Variants in USP34 observed in about 807,000 individuals in gnomAD.
The protein encoded by USP34 is ubiquitin carboxyl-terminal hydrolase 34.
Under a neutral mutation model 460.3 loss-of-function variants are expected in USP34, and 70 were observed. The observed-to-expected ratio is 0.15, with a 90% CI of 0.13 to 0.19. The LOEUF (loss-of-function observed/expected upper bound fraction) is 0.19, where lower values mean the gene tolerates loss of function less well. Among genes scored for constraint, USP34 ranks in the 10% least tolerant of loss-of-function variants. The probability of loss-of-function intolerance (pLI) is 1.00; values close to 1 mark genes in which losing one functional copy is unlikely to be tolerated. For missense variants in USP34, 3,985 were observed against 4,236.2 expected (o/e 0.94, Z 1.65); for synonymous variants, 1,647 against 1,405.3 (o/e 1.17, Z -3.85).
In USP34 at chr2:61,347,173, A is replaced by G. The variant is rs184980400; in HGVS notation, c.2285+697T>C. Among the ~76,000 whole-genome samples the G allele has an allele frequency of 2.4e-3, 359 of 152,260 alleles. 1 individual carries two copies. Among genetic ancestry groups the G allele is most frequent in the African/African-American group, 8.1e-3 (335 of 41,552 alleles). ...AAAGAAGAAGAAAACAAATAAATCA[A>G]TAAATATTTTAAAGAATTAAAGGGT... is the stretch of plus-strand genomic sequence containing the variant. On this transcript the variant is annotated intron_variant, in intron 15 of 79. Transcript: ENST00000398571.
intron 1 of USP34, among the ~76,000 whole-genome samples, chr2:61,467,289 C>T (rs914450409): frequency 2.6e-5 from 4 of 151,760 alleles, no homozygotes; most frequent in African/African-American, 7.3e-5. Context: ...GGTGACACAG[C>T]GAGATTCTGT....
chr2:61,426,962 T>C (rs1694530211), intron 1 of USP34, among the ~76,000 whole-genome samples: 1 of 152,220 alleles, frequency 6.6e-6, no homozygotes, highest in African/African-American at 2.4e-5. Context: ...AGGTGGTACC[T>C]GTATGAGTCT....
Position 61,448,437 on chromosome 2 carries a change from G to A in USP34, c.43+22213C>T, listed in dbSNP as rs548845891. The stretch of plus-strand genomic sequence containing the variant: ...CACACTCTGGCCCAGGAAACAGAGT[G>A]AGTGAGGCCCTGTCTCAAGGACGGG... On this transcript the variant is annotated intron_variant, in intron 1 of 79. Coordinates refer to ENST00000398571, the MANE Select transcript of USP34 (RefSeq NM_014709.4). Among the ~76,000 whole-genome samples the A allele has an allele frequency of 5.4e-4, 83 of 152,346 alleles. No homozygotes were observed. In the South Asian group the frequency reaches 0.017, roughly 31 times the overall value.
chr2:61,409,488 T>G lies in USP34; in HGVS notation c.132-3360A>C, dbSNP rs563407067. On this transcript the variant is annotated intron_variant, in intron 2 of 79. Transcript: ENST00000398571. ...CAGCACTTTGGGAGGCCAAGGCAGGTGGATCACTTGAGGTCAGGAGTTCGA... is the reference window on the plus strand; with the variant it reads ...CAGCACTTTGGGAGGCCAAGGCAGGGGGATCACTTGAGGTCAGGAGTTCGA... Among the ~76,000 whole-genome samples the G allele has an allele frequency of 2.6e-5, 4 of 152,148 alleles. No homozygotes were observed. In the South Asian group the frequency reaches 8.3e-4, roughly 32 times the overall value.
chr2:61,381,119 T>C lies in USP34; in HGVS notation c.822-758A>G, dbSNP rs1165809745. Among the ~76,000 whole-genome samples the C allele has an allele frequency of 2.6e-5, 4 of 151,876 alleles. No homozygotes were observed. In the East Asian group the frequency reaches 7.7e-4, roughly 29 times the overall value. ...AGGAAAACCAGAGACCTTTGTTCAC[T>C]TGTTTATCTGCTGACCTTCCCTCCA... On this transcript the variant is annotated intron_variant, in intron 6 of 79. Coordinates refer to ENST00000398571, the MANE Select transcript of USP34 (RefSeq NM_014709.4).
intron 50 of USP34, among the ~76,000 whole-genome samples, chr2:61,246,050 GAAGAT>G (rs2103869586): frequency 6.6e-6 from 1 of 152,314 alleles, no homozygotes; most frequent in Admixed American, 6.5e-5. Flanking sequence ...AATGAATAGA[GAAGAT>G]AAGAGTTGAA....
At chr2:61,406,821 A>G (rs1430622905) in intron 2 of USP34, among the ~76,000 whole-genome samples, 2 of 152,016 alleles carry the variant, frequency 1.3e-5, no homozygotes, top group Admixed American at 6.6e-5. Context: ...CCTGACCAAC[A>G]TGGTGAAACC....
At chr2:61,442,406 C>CAAAAAAAAA (rs70963430) in intron 1 of USP34, among the ~76,000 whole-genome samples, 1 of 121,438 alleles carries the variant, frequency 8.2e-6, no homozygotes, top group Non-Finnish European at 1.7e-5. Flanking sequence ...ATCTTAACAG[C>CAAAAAAAAA]AAAAAAAAAA....
rs1379082137 is a variant in USP34 at position 61,281,118 on chromosome 2, G to C, written c.5123C>G (p.Pro1708Arg). The change falls in exon 38 of 80, where the codon CCT (proline) becomes CGT (arginine). Residue 1708 changes from proline to arginine, a missense_variant. Around this residue, in one of 14 missense-constraint regions of USP34, gnomAD observed 1,114 missense variants for 1,122.5 expected, o/e 0.99. Coordinates refer to ENST00000398571, the MANE Select transcript of USP34 (RefSeq NM_014709.4). ...LAASTLLKFL[P>R]DAQALKPIRI... is the part of the protein sequence containing the mutation. ...AATAGGTTTGAGTGCTTGAGCATCA[G>C]GAAGAAATTTCAATAATGTTGAGGC... 2 of 1,613,572 alleles carry C rather than the reference G, an allele frequency of 1.2e-6. No homozygotes were observed. The highest frequency in any genetic ancestry group is 2.2e-5 in the East Asian group (1 of 44,862).
intron 1 of USP34, among the ~76,000 whole-genome samples, chr2:61,462,201 C>T (rs370975050): frequency 2.6e-4 from 39 of 147,334 alleles, no homozygotes; most frequent in South Asian, 4.4e-4. Flanking sequence ...ATCAGGCCAT[C>T]GCACTCCAGC....
At chr2:61,339,251 T>A in intron 18 of USP34, 100 bp downstream of exon 18, 2 of 1,174,306 alleles carry the variant, frequency 1.7e-6, no homozygotes, top group Non-Finnish European at 2.4e-6. Context: ...AATACAGGTA[T>A]ATGAAACAGT....
At chr2:61,295,139 T>A in intron 31 of USP34, 29 bp downstream of exon 31, 1 of 1,601,162 alleles carries the variant, frequency 6.2e-7, no homozygotes. Context: ...AATACAAACA[T>A]TTAATGATAA....
chr2:61,282,093 G>C (rs1222606567), intron 37 of USP34, among the ~76,000 whole-genome samples: 5 of 152,120 alleles, frequency 3.3e-5, no homozygotes, highest in Non-Finnish European at 7.4e-5. Context: ...GGGTTCAAGC[G>C]ATTCTCCTGC....
Position 61,208,921 on chromosome 2 carries a change from C to T in USP34, c.8897G>A (p.Arg2966Gln), listed in dbSNP as rs1199844039. The change falls in exon 70 of 80, where the codon CGA becomes CAA. Residue 2966 changes from arginine to glutamine, a missense_variant. By Grantham distance (43) the Arg-to-Gln change is conservative. Coordinates refer to ENST00000398571, the MANE Select transcript of USP34 (RefSeq NM_014709.4). ...DEDRLLVVFN[R>Q]GLILMTESFN... is the part of the protein sequence containing the mutation. ...TACCTCTGTCATTAGAATCAATCCT[C>T]GATTAAATACAACAAGAAGTCTGTC... The T allele has an allele frequency of 1.9e-6, 3 of 1,590,934 alleles. No individual in the cohort carries two copies. Among genetic ancestry groups the T allele is most frequent in the Non-Finnish European group, 1.7e-6 (2 of 1,168,864 alleles).
intron 3 of USP34, among the ~76,000 whole-genome samples, chr2:61,399,803 G>A (rs1428024677): frequency 2.1e-5 from 3 of 143,848 alleles, no homozygotes; most frequent in East Asian, 2.2e-4. Context: ...AACCTGAGAG[G>A]CAGAGGTTGC....
At chr2:61,300,267 A>G (rs1007322494) in intron 29 of USP34, among the ~76,000 whole-genome samples, 5 of 152,088 alleles carry the variant, frequency 3.3e-5, no homozygotes, top group African/African-American at 1.2e-4. Flanking sequence ...CGCTCTGCCT[A>G]CCTTTCCAAT....
chr2:61,245,711 G>A (rs1433582089), intron 50 of USP34, among the ~76,000 whole-genome samples: 1 of 152,016 alleles, frequency 6.6e-6, no homozygotes, highest in South Asian at 2.1e-4. Flanking sequence ...GATGGGTGAA[G>A]GAGTGAAAAA....
chr2:61,283,336 T>C, intron 36 of USP34, 67 bp from the exon 37 acceptor site: 1 of 1,578,288 alleles, frequency 6.3e-7, no homozygotes, highest in East Asian at 2.3e-5. Flanking sequence ...CAATGTTCAA[T>C]ATTAAAGGTA....
intron 5 of USP34, among the ~76,000 whole-genome samples, chr2:61,387,118 A>C (rs1693171402): frequency 6.6e-6 from 1 of 152,156 alleles, no homozygotes; most frequent in African/African-American, 2.4e-5. Flanking sequence ...AAAAAAATCC[A>C]AATAAGTAAT....
Sources: allele counts gnomAD v4.1 joint callset (sites outside exome capture counted in the v4.1 genomes callset), GRCh38; gene constraint gnomAD v4.1.1; regional missense constraint gnomAD v4.1.1; transcripts MANE v1.5; gene names NCBI Gene and HGNC (gene_info 2026-07-23, HGNC 2026-07-21).